The following ZSCAN4 variants were observed in gnomAD, a reference collection of about 807,000 sequenced individuals.
ZSCAN4 encodes zinc finger and SCAN domain-containing protein 4.
ZSCAN4 carries 18 observed loss-of-function variants against 18.3 expected under a neutral mutation model. That is an observed-to-expected ratio of 0.98 (90% confidence interval 0.68 to 1.46). ZSCAN4 has a LOEUF of 1.46. ZSCAN4 is among the 40% of genes most tolerant of loss of function. The probability of loss-of-function intolerance (pLI) is 0.00; values close to 1 mark genes in which losing one functional copy is unlikely to be tolerated. For synonymous variants in ZSCAN4, 193 were observed against 180.3 expected (o/e 1.07, Z -0.57); for missense variants, 498 against 511.4 (o/e 0.97, Z 0.25).
chr19:57,678,287 T>C (rs878889999), exon 5 of ZSCAN4: 1 of 1,614,196 alleles, frequency 6.2e-7, no homozygotes, highest in South Asian at 1.1e-5. Flanking sequence ...AGAACGGTCC[T>C]AGGCCTGAAG....
chr19:57,657,783 C>G, the ZSCAN4 span, among the ~76,000 whole-genome samples: 1 of 152,036 alleles, frequency 6.6e-6, no homozygotes, highest in African/African-American at 2.4e-5. Flanking sequence ...GTATATCCTC[C>G]CACATAATTT....
intron 3 of ZSCAN4, 59 bp downstream of exon 3, chr19:57,676,600 C>T: frequency 1.3e-6 from 2 of 1,530,766 alleles, no homozygotes; most frequent in Non-Finnish European, 1.8e-6. Context: ...GAATAAATCA[C>T]AGTCAGTTAG....
intron 2 of ZSCAN4, among the ~76,000 whole-genome samples, chr19:57,675,735 T>C (rs899914476): frequency 1.3e-5 from 2 of 152,272 alleles, no homozygotes; most frequent in Admixed American, 6.5e-5. Context: ...TTTTTGAATT[T>C]TAACCCAAAC....
chr19:57,658,521 A>G, the ZSCAN4 span, among the ~76,000 whole-genome samples: 1 of 152,184 alleles, frequency 6.6e-6, no homozygotes, highest in African/African-American at 2.4e-5. Flanking sequence ...CACACCAAAA[A>G]TATTCACGGC....
At chr19:57,657,739 A>T in the ZSCAN4 span, among the ~76,000 whole-genome samples, 3 of 152,322 alleles carry the variant, frequency 2.0e-5, no homozygotes, top group East Asian at 5.8e-4. Flanking sequence ...CTAGTCTCTT[A>T]TATAATATGA....
intron 3 of ZSCAN4, among the ~76,000 whole-genome samples, chr19:57,677,418 C>T (rs1984218519): frequency 1.2e-5 from 1 of 81,422 alleles, no homozygotes; most frequent in Non-Finnish European, 2.4e-5. Context: ...TTTAGTGGCA[C>T]ATTTTTTTTT....
At position 57,679,034 on chromosome 19, in the gene ZSCAN4, G is replaced by C. The variant is rs559404449; in HGVS notation, c.*129G>C. The C allele has an allele frequency of 2.6e-6, 3 of 1,156,978 alleles. No homozygotes were observed. In the South Asian group the frequency reaches 6.3e-5, roughly 24 times the overall value. The allele number at this position is 1,156,978 out of a possible 1,614,324, so 71.7% of individuals were successfully genotyped here. ...ATTTATTGTCTTGCTTCATTAAAAT[G>C]TAAGGCTAAGGAGAGCATGGAATTT... On this transcript the variant is annotated 3_prime_UTR_variant, in exon 5 of 5. Transcript: ENST00000318203.
chr19:57,663,520 T>TAAAA, the ZSCAN4 span, among the ~76,000 whole-genome samples: 8,068 of 66,544 alleles, frequency 0.12, 816 homozygotes, highest in East Asian at 0.15. Context: ...ACCATGTCTC[T>TAAAA]AAAAAAAAAA....
the ZSCAN4 span, among the ~76,000 whole-genome samples, chr19:57,656,681 A>G: frequency 1.3e-5 from 2 of 152,262 alleles, no homozygotes; most frequent in East Asian, 3.8e-4. Context: ...CAGCCTGGGA[A>G]AAATATTTGT....
At chr19:57,667,561 CCTGA>C (rs1417888530), upstream of ZSCAN4, among the ~76,000 whole-genome samples, 48 of 152,268 alleles carry the variant, frequency 3.2e-4, no homozygotes, top group African/African-American at 1.1e-3. Context: ...TCAAATATGC[CCTGA>C]CTGCTTAAAG....
rs1600002675 is a variant in ZSCAN4 at position 57,669,027 on chromosome 19, T to G, written c.-605T>G. ...ATTTATAATAAAACTTGATCAGAAT[T>G]TGTGAGACTAACGTTTGTCTTTATA... On this transcript the variant is annotated 5_prime_UTR_variant, in exon 1 of 5. The change creates a new upstream start codon in the 5' untranslated region. Coordinates refer to ENST00000318203, the Ensembl canonical transcript of ZSCAN4. 6.6e-6 allele frequency: 1 copy of G among 152,052 alleles called. No individual in the cohort carries two copies. Among genetic ancestry groups the G allele is most frequent in the Middle Eastern group, 3.4e-3 (1 of 292 alleles). The allele number at this position is 152,052 out of a possible 1,614,324, so 9.4% of individuals were successfully genotyped here.
chr19:57,659,799 C>A, the ZSCAN4 span, among the ~76,000 whole-genome samples: 2 of 152,190 alleles, frequency 1.3e-5, no homozygotes, highest in Non-Finnish European at 2.9e-5. Context: ...TTAGATCTTG[C>A]TGTCCTCTGC....
At chr19:57,676,636 T>C in intron 3 of ZSCAN4, 95 bp downstream of exon 3, 4 of 1,382,636 alleles carry the variant, frequency 2.9e-6, no homozygotes, top group Non-Finnish European at 3.9e-6. Context: ...AGAGAAGCTA[T>C]TGGAGGTCCA....
Position 57,678,098 on chromosome 19 carries a change from C to T in ZSCAN4, c.562+19C>T. 1 of 1,584,156 alleles carries T rather than the reference C, an allele frequency of 6.3e-7. No homozygotes were observed. The highest frequency in any genetic ancestry group is 8.6e-7 in the Non-Finnish European group (1 of 1,165,604). Reference sequence around the variant, plus strand: ...GGACAAGGTAAGTCAGGTGAATCTGCACAACTGAGGAGTGTTCTATGTGGA... The same window carrying T: ...GGACAAGGTAAGTCAGGTGAATCTGTACAACTGAGGAGTGTTCTATGTGGA... On this transcript the variant is annotated intron_variant, in intron 4 of 4. Transcript: ENST00000318203.
chr19:57,667,690 A>G (rs1250781976), upstream of ZSCAN4, among the ~76,000 whole-genome samples: 1 of 152,118 alleles, frequency 6.6e-6, no homozygotes, highest in African/African-American at 2.4e-5. Flanking sequence ...TGTATATCTG[A>G]ACTCAAAAAT....
chr19:57,663,181 G>C, the ZSCAN4 span, among the ~76,000 whole-genome samples: 1 of 151,512 alleles, frequency 6.6e-6, no homozygotes, highest in Non-Finnish European at 1.5e-5. Context: ...GGGATTACAG[G>C]TGTGAGCCAC....
At chr19:57,666,085 G>A (rs1333186869), upstream of ZSCAN4, among the ~76,000 whole-genome samples, 1 of 152,138 alleles carries the variant, frequency 6.6e-6, no homozygotes, top group East Asian at 1.9e-4. Flanking sequence ...AGGAAATTGG[G>A]TAGTTTGCCT....
intron 1 of ZSCAN4, among the ~76,000 whole-genome samples, chr19:57,669,614 ATGG>A (rs964124935): frequency 6.6e-6 from 1 of 151,060 alleles, no homozygotes; most frequent in Non-Finnish European, 1.5e-5. Flanking sequence ...TTTAGTAGAG[ATGG>A]GGTTTCACCA....
At chr19:57,677,762 TA>T (rs1245170203) in intron 3 of ZSCAN4, 151 bp from the exon 4 acceptor site, 10 of 561,078 alleles carry the variant, frequency 1.8e-5, no homozygotes, top group Non-Finnish European at 2.6e-5. Flanking sequence ...GAGCTTGTAG[TA>T]ACAAGAATAA....
Sources: allele counts gnomAD v4.1 joint callset (sites outside exome capture counted in the v4.1 genomes callset), GRCh38; gene constraint gnomAD v4.1.1; transcripts MANE v1.5; gene names NCBI Gene and HGNC (gene_info 2026-07-23, HGNC 2026-07-21).